The following TNXB variants were observed in gnomAD, a reference collection of about 807,000 sequenced individuals.
TNXB encodes tenascin-X.
In TNXB, 183 loss-of-function variants were observed where a neutral mutation model predicts 340.5. The observed-to-expected ratio is 0.54, with a 90% CI of 0.48 to 0.61. The LOEUF (loss-of-function observed/expected upper bound fraction) is 0.61. Among genes scored for constraint, TNXB ranks in the 20% least tolerant of loss-of-function variants. The pLI, the probability that TNXB is intolerant of heterozygous loss-of-function variation, is 0.00. For missense variants in TNXB, 4,613 were observed against 5,446.4 expected, an observed-to-expected ratio of 0.85 and a Z score of 4.82; for synonymous variants, 2,121 against 2,314.5, an observed-to-expected ratio of 0.92 and a Z score of 2.40.
At position 32,067,986 on chromosome 6, in the gene TNXB, T is replaced by G. The variant is rs774992898; in HGVS notation, c.6221-2A>C. 2.1e-5 allele frequency: 33 copies of G among 1,608,818 alleles called. No homozygotes were observed. The highest frequency in any genetic ancestry group is 3.3e-5 in the Admixed American group (2 of 59,844). On this transcript the variant is annotated splice_acceptor_variant, in intron 17 of 43. Transcript: ENST00000644971. LOFTEE classifies it high-confidence loss of function. This position sits in a 1 kb window ranked among gnomAD's most constrained non-coding sequence, Gnocchi z 4.2. ...GGCTGGGGGTCTCTTCCTCTGCAGC[T>G]GAGAAGGAGGAAGAGAGAGTGAGGG...
rs780442858 is a variant in TNXB, at chr6:32,049,363, C to A, written c.9664G>T (p.Gly3222Trp). 6.2e-7 allele frequency: 1 copy of A among 1,612,468 alleles called. No homozygotes were observed. The highest frequency in any genetic ancestry group is 1.1e-5 in the South Asian group (1 of 91,010). The part of the protein sequence containing the change: ...VRGEESEVTV[G>W]GLEPGRKYKM... ...TATTTGCGCCCGGGCTCCAGGCCCC[C>A]CACGGTGACCTCGCTCTCCTCGCCC... is the stretch of plus-strand genomic sequence containing the variant. The change falls in exon 28 of 44, where the codon GGG becomes TGG. Residue 3222 changes from glycine (G) to tryptophan (W), a missense_variant. Gly to Trp is a radical substitution (Grantham distance 184). Coordinates refer to ENST00000644971, the MANE Select transcript of TNXB (RefSeq NM_001365276.2). The surrounding 1 kb of genome is among the most constrained non-coding windows in gnomAD (Gnocchi z 4.5).
rs1236318971 is a variant in TNXB at position 32,058,146 on chromosome 6, G to A, written c.7737C>T (p.Gly2579=). The A allele has an allele frequency of 2.5e-6, 4 of 1,612,564 alleles. No individual in the cohort carries two copies. Among genetic ancestry groups the A allele is most frequent in the Admixed American group, 1.7e-5 (1 of 59,990 alleles). Reference sequence around the variant, plus strand: ...TCTTGTACTTGCGCCCAGGCTCCAGGCCCCTCACAGTGACCTTGCTCTCCT... The same window carrying A: ...TCTTGTACTTGCGCCCAGGCTCCAGACCCCTCACAGTGACCTTGCTCTCCT... The part of the protein sequence containing the change: ...GGQESKVTVR[G]LEPGRKYKMH... The change falls in exon 22 of 44, where the codon GGC becomes GGT. Residue 2579 remains glycine (G), a synonymous_variant. Transcript: ENST00000644971. The surrounding 1 kb of genome is among the most constrained non-coding windows in gnomAD (Gnocchi z 5.1).
In TNXB at chr6:32,058,471, C is replaced by T. The variant is rs2151904232; in HGVS notation, c.7493-81G>A. The T allele has an allele frequency of 1.6e-6, 2 of 1,227,140 alleles. No individual in the cohort carries two copies. The highest frequency in any genetic ancestry group is 3.2e-5 in the South Asian group (2 of 62,864). The allele number at this position is 1,227,140 out of a possible 1,614,324, so 76.0% of individuals were successfully genotyped here. A position where few individuals can be genotyped will look rare whatever the true frequency, so the allele number is the denominator to read the frequency against. On this transcript the variant is annotated intron_variant, in intron 21 of 43. Transcript: ENST00000644971. The surrounding 1 kb of genome is among the most constrained non-coding windows in gnomAD (Gnocchi z 5.1). ...GCTGGTGCTGTCAACAGAGGTCATACATCAAATGTGCCCCTCCAGAGCAGG... is the reference window on the plus strand; with the variant it reads ...GCTGGTGCTGTCAACAGAGGTCATATATCAAATGTGCCCCTCCAGAGCAGG...
At chr6:32,066,527 T>C (rs1410574675) in intron 18 of TNXB, among the ~76,000 whole-genome samples, 1 of 152,212 alleles carries the variant, frequency 6.6e-6, no homozygotes, top group African/African-American at 2.4e-5. Flanking sequence ...GAATACATAT[T>C]GTTTGAGTCC....
intron 1 of TNXB, among the ~76,000 whole-genome samples, chr6:32,098,685 G>C (rs1012882843): frequency 4.6e-5 from 7 of 152,062 alleles, no homozygotes; most frequent in Non-Finnish European, 7.4e-5. Flanking sequence ...TCTCCATGTC[G>C]GTCAGGCTGG....
chr6:32,070,498 G>T lies in TNXB; in HGVS notation c.4991-84C>A, dbSNP rs894368403. On this transcript the variant is annotated intron_variant, in intron 13 of 43. Transcript: ENST00000644971. The surrounding 1 kb of genome is among the most constrained non-coding windows in gnomAD (Gnocchi z 6.0). Reference sequence around the variant, plus strand: ...TCTGGGGCTGGAAAAACCCAGAACTGCCCAAATGCTCAGTGCTTCCCCAAA... The same window carrying T: ...TCTGGGGCTGGAAAAACCCAGAACTTCCCAAATGCTCAGTGCTTCCCCAAA... 3.6e-6 allele frequency: 5 copies of T among 1,379,244 alleles called. No homozygotes were observed. The African/African-American group carries it at 4.4e-5, about 12-fold the overall frequency. The allele number at this position is 1,379,244 out of a possible 1,614,324, so 85.4% of individuals were successfully genotyped here. A position where few individuals can be genotyped will look rare whatever the true frequency, so the allele number is the denominator to read the frequency against.
rs891567026 is a variant in TNXB at position 32,087,463 on chromosome 6, G to A, written c.2779+1322C>T. On this transcript the variant is annotated intron_variant, in intron 6 of 43. Transcript: ENST00000644971. This position sits in a 1 kb window ranked among gnomAD's most constrained non-coding sequence, Gnocchi z 9.0. ...GAACTGGCCGCGGAGCCCGTCGAGA[G>A]ACACGAGAAGCGCGCCATCGGCGGA... is the stretch of plus-strand genomic sequence containing the variant. 1 of 490,038 alleles carries A rather than the reference G, an allele frequency of 2.0e-6. No homozygotes were observed. Among genetic ancestry groups the A allele is most frequent in the African/African-American group, 1.9e-5 (1 of 51,442 alleles). The allele number at this position is 490,038 out of a possible 1,614,324, so 30.4% of individuals were successfully genotyped here. A position where few individuals can be genotyped will look rare whatever the true frequency, so the allele number is the denominator to read the frequency against.
chr6:32,079,071 C>T lies in TNXB; in HGVS notation c.4337G>A (p.Gly1446Glu), dbSNP rs760049473. 2 of 1,613,420 alleles carry T rather than the reference C, an allele frequency of 1.2e-6. No individual in the cohort carries two copies. The highest frequency in any genetic ancestry group is 1.7e-5 in the Admixed American group (1 of 60,010). The change falls in exon 11 of 44, where the codon GGG becomes GAG. Residue 1446 changes from glycine to glutamate, a missense_variant. This residue lies in a region of TNXB where 4,327 missense variants were observed against 4,859.4 expected (regional missense o/e 0.89). Coordinates refer to ENST00000644971, the MANE Select transcript of TNXB (RefSeq NM_001365276.2). This position sits in a 1 kb window ranked among gnomAD's most constrained non-coding sequence, Gnocchi z 7.1. ...GGCGGACACCGGGCCCACGCGCTGCCCCTCGTGGAGGCCGTACAGGTGCAT... is the reference window on the plus strand; with the variant it reads ...GGCGGACACCGGGCCCACGCGCTGCTCCTCGTGGAGGCCGTACAGGTGCAT... ...YKMHLYGLHE[G>E]QRVGPVSAVG...
At chr6:32,095,231 A>G in intron 3 of TNXB, 40 bp from the exon 4 acceptor site, 1 of 1,474,908 alleles carries the variant, frequency 6.8e-7, no homozygotes, top group Non-Finnish European at 9.3e-7. Flanking sequence ...GGTTAGCACA[A>G]GGCAACCACC....
At chr6:32,092,075 G>C (rs573700572) in intron 4 of TNXB, among the ~76,000 whole-genome samples, 1 of 152,280 alleles carries the variant, frequency 6.6e-6, no homozygotes, top group South Asian at 2.1e-4. Flanking sequence ...TCATAGTGGA[G>C]CTAGCACTTT....
intron 24 of TNXB, among the ~76,000 whole-genome samples, chr6:32,054,366 C>T (rs1217714416): frequency 6.6e-6 from 1 of 152,226 alleles, no homozygotes; most frequent in Non-Finnish European, 1.5e-5. Flanking sequence ...GCAACCACAT[C>T]CTCATCCCTG....
At chr6:32,088,648 C>G in intron 6 of TNXB, 137 bp downstream of exon 6, 1 of 1,285,222 alleles carries the variant, frequency 7.8e-7, no homozygotes, top group Non-Finnish European at 1.1e-6. Flanking sequence ...AGCAAGGCCC[C>G]CAGCAGGTGC....
intron 6 of TNXB, 62 bp downstream of exon 6, chr6:32,088,723 C>T: frequency 6.5e-7 from 1 of 1,527,896 alleles, no homozygotes; most frequent in Non-Finnish European, 8.8e-7. Context: ...GCCTGGGCTC[C>T]TGAGGAGGAG....
At chr6:32,056,282 T>C in intron 23 of TNXB, 108 bp from the exon 24 acceptor site, 6 of 1,367,534 alleles carry the variant, frequency 4.4e-6, no homozygotes, top group Non-Finnish European at 5.9e-6. Flanking sequence ...TGAGGTCATT[T>C]CAGAAAAGCC....
intron 26 of TNXB, 31 bp from the exon 27 acceptor site, chr6:32,050,352 C>A (rs1777206805): frequency 6.2e-7 from 1 of 1,604,826 alleles, no homozygotes; most frequent in South Asian, 1.1e-5. Flanking sequence ...ACAGTGAGGA[C>A]CCTGGGTTCT....
chr6:32,061,398 A>G lies in TNXB; in HGVS notation c.7491T>C (p.Thr2497=). The part of the protein sequence containing the change: ...RVGPVSTVGV[T]APQEDVDETP... The stretch of plus-strand genomic sequence containing the variant: ...CCCGAGACTCCAAGCACTACTCACC[A>G]GTCACGCCCACGGTGGACACCGGGC... The change falls in exon 21 of 44, where the codon ACT becomes ACC. Residue 2497 remains threonine (T), a splice_region_variant and synonymous_variant. Transcript: ENST00000644971. The surrounding 1 kb of genome is among the most constrained non-coding windows in gnomAD (Gnocchi z 4.4). 6.2e-7 allele frequency: 1 copy of G among 1,611,902 alleles called. No individual in the cohort carries two copies. The highest frequency in any genetic ancestry group is 8.5e-7 in the Non-Finnish European group (1 of 1,179,100).
In TNXB at chr6:32,058,406, G is replaced by C; in HGVS notation, c.7493-16C>G. The C allele has an allele frequency of 1.3e-6, 2 of 1,570,060 alleles. No individual in the cohort carries two copies. The highest frequency in any genetic ancestry group is 1.7e-6 in the Non-Finnish European group (2 of 1,157,584). On this transcript the variant is annotated splice_polypyrimidine_tract_variant and intron_variant, in intron 21 of 43. Coordinates refer to ENST00000644971, the MANE Select transcript of TNXB (RefSeq NM_001365276.2). This position sits in a 1 kb window ranked among gnomAD's most constrained non-coding sequence, Gnocchi z 5.1. ...TCTTGTGGGGCTGAAAGGTAATATA[G>C]GGGGATACAGAGTTTAAGGGTTTAA...
chr6:32,098,805 CG>C (rs2127295603), intron 1 of TNXB, among the ~76,000 whole-genome samples: 2 of 152,248 alleles, frequency 1.3e-5, no homozygotes, highest in African/African-American at 4.8e-5. Flanking sequence ...GTTTTTCCCA[CG>C]AGCACTACAA....
Position 32,081,487 on chromosome 6 carries a change from G to GC in TNXB, c.3922dup (p.Ala1308GlyfsTer4). 6.2e-7 allele frequency: 1 copy of GC among 1,604,720 alleles called. No individual in the cohort carries two copies. The highest frequency in any genetic ancestry group is 8.5e-7 in the Non-Finnish European group (1 of 1,175,730). ...GACAGTAACCTCATTCTCATCCCCC[G>GC]CAACAGGCACTGCCTGGGGCTGCCC... On this transcript the variant is annotated frameshift_variant, in exon 10 of 44. Coordinates refer to ENST00000644971, the MANE Select transcript of TNXB (RefSeq NM_001365276.2). LOFTEE classifies it high-confidence loss of function. The surrounding 1 kb of genome is among the most constrained non-coding windows in gnomAD (Gnocchi z 5.1).
Sources: gnomAD v4.1 joint callset for allele counts (sites outside exome capture counted in the v4.1 genomes callset) on GRCh38, gnomAD v4.1.1 for gene constraint, gnomAD v4.1.1 regional missense constraint, Gnocchi (gnomAD v3.1) non-coding constraint, MANE v1.5 for transcripts, NCBI Gene and HGNC (gene_info 2026-07-23, HGNC 2026-07-21) for gene names.